The following GALK2 variants were observed in gnomAD, a reference collection of about 807,000 sequenced individuals.
GALK2 encodes galactokinase 2.
A neutral mutation model predicts 52.4 loss-of-function variants in GALK2; 36 were observed. The observed-to-expected ratio is 0.69, with a 90% confidence interval of 0.53 to 0.91. GALK2 has a LOEUF of 0.91. Among genes scored for constraint, GALK2 ranks in the 40% least tolerant of loss-of-function variants. The pLI, the probability that GALK2 is intolerant of heterozygous loss-of-function variation, is 0.00. For synonymous variants in GALK2, 176 were observed against 199.1 expected (o/e 0.88, Z 0.98); for missense variants, 579 against 559.1 (o/e 1.04, Z -0.36).
At chr15:49,156,201 A>G in intron 1 of GALK2, 1 of 620,144 alleles carries the variant, frequency 1.6e-6, no homozygotes. Flanking sequence ...GTTGCCTTAA[A>G]TCTTACTCAG....
intron 8 of GALK2, among the ~76,000 whole-genome samples, chr15:49,305,787 G>A (rs1221022519): frequency 6.6e-6 from 1 of 152,126 alleles, no homozygotes; most frequent in Non-Finnish European, 1.5e-5. Flanking sequence ...AGGGGGGAAG[G>A]TTGCTTATGG....
chr15:49,226,948 G>A (rs563559761), intron 3 of GALK2, among the ~76,000 whole-genome samples: 1 of 152,220 alleles, frequency 6.6e-6, no homozygotes, highest in East Asian at 1.9e-4. Flanking sequence ...GAAGGTATTT[G>A]ATACACACTG....
rs540620820 is a variant in GALK2 at position 49,305,901 on chromosome 15, A to G, written c.967+13364A>G. The stretch of plus-strand genomic sequence containing the variant: ...GAACTACATAAGCACATTTGTAATC[A>G]TGGAGTGCTGTGAAATAGCAGCATC... On this transcript the variant is annotated intron_variant, in intron 8 of 9. Transcript: ENST00000560031. Among the ~76,000 whole-genome samples, 3 of 152,330 alleles carry G rather than the reference A, an allele frequency of 2.0e-5. No homozygotes were observed. The East Asian group carries it at 5.8e-4, about 29-fold the overall frequency.
chr15:49,288,436 C>T (rs754269028), intron 7 of GALK2, among the ~76,000 whole-genome samples: 3 of 152,144 alleles, frequency 2.0e-5, no homozygotes, highest in African/African-American at 7.2e-5. Context: ...ATCAGTCACC[C>T]AGTTTTTCAG....
chr15:49,237,843 A>G (rs2090907690), intron 4 of GALK2, among the ~76,000 whole-genome samples: 1 of 151,850 alleles, frequency 6.6e-6, no homozygotes, highest in South Asian at 2.1e-4. Flanking sequence ...AATATATTGT[A>G]TTCTTCAATT....
intron 3 of GALK2, among the ~76,000 whole-genome samples, chr15:49,355,100 C>T (rs1454084801): frequency 3.3e-4 from 49 of 150,314 alleles, no homozygotes; most frequent in Non-Finnish European, 5.5e-4. Flanking sequence ...ACATCACCAT[C>T]ATCAAAGACC....
intron 5 of GALK2, among the ~76,000 whole-genome samples, chr15:49,242,356 T>A (rs1361713744): frequency 6.6e-6 from 1 of 152,174 alleles, no homozygotes; most frequent in Non-Finnish European, 1.5e-5. Context: ...TAGAGTAATG[T>A]TGCCAGAAAT....
intron 5 of GALK2, among the ~76,000 whole-genome samples, chr15:49,252,086 T>C (rs553122292): frequency 6.6e-6 from 1 of 152,208 alleles, no homozygotes; most frequent in South Asian, 2.1e-4. Context: ...GCCAACATGG[T>C]GAAACTCTGT....
chr15:49,311,791 G>A (rs2036009281), intron 8 of GALK2, among the ~76,000 whole-genome samples: 1 of 152,224 alleles, frequency 6.6e-6, no homozygotes, highest in Non-Finnish European at 1.5e-5. Flanking sequence ...AAGTCACTAA[G>A]GCAGATGTGT....
At chr15:49,283,510 G>A in intron 6 of GALK2, 56 bp from the exon 7 acceptor site, 1 of 1,435,912 alleles carries the variant, frequency 7.0e-7, no homozygotes, top group Non-Finnish European at 9.7e-7. Flanking sequence ...ATAAACACTT[G>A]AACATTTTCT....
At chr15:49,181,574 C>T (rs755110211) in intron 1 of GALK2, among the ~76,000 whole-genome samples, 4 of 147,284 alleles carry the variant, frequency 2.7e-5, no homozygotes, top group Non-Finnish European at 4.5e-5. Context: ...TGCCGTGGCA[C>T]GATCTCGGCT....
At chr15:49,209,272 A>G (rs973296300) in intron 2 of GALK2, among the ~76,000 whole-genome samples, 1 of 152,178 alleles carries the variant, frequency 6.6e-6, no homozygotes, top group Non-Finnish European at 1.5e-5. Flanking sequence ...CATGTTGTGT[A>G]CAAGTAGAGA....
At chr15:49,193,377 G>A (rs2086927532) in intron 1 of GALK2, among the ~76,000 whole-genome samples, 1 of 149,988 alleles carries the variant, frequency 6.7e-6, no homozygotes, top group African/African-American at 2.4e-5. Flanking sequence ...TTTTTTTAAT[G>A]TAAGGGATAT....
intron 8 of GALK2, among the ~76,000 whole-genome samples, chr15:49,309,838 C>T (rs1480171132): frequency 6.6e-6 from 1 of 152,008 alleles, no homozygotes; most frequent in Non-Finnish European, 1.5e-5. Flanking sequence ...AGGCTGGTCT[C>T]GAACTCCCGA....
At chr15:49,356,019 A>C (rs1596466503) in intron 3 of GALK2, among the ~76,000 whole-genome samples, 1 of 152,052 alleles carries the variant, frequency 6.6e-6, no homozygotes, top group South Asian at 2.1e-4. Context: ...GAAATAAAAT[A>C]CTTTACAGAC....
intron 3 of GALK2, chr15:49,367,363 G>C: frequency 8.5e-7 from 1 of 1,175,834 alleles, no homozygotes; most frequent in South Asian, 1.9e-5. Context: ...CATTCAATTT[G>C]TTTCTCAATT....
intron 8 of GALK2, among the ~76,000 whole-genome samples, chr15:49,299,750 T>TCTTTCTTTC (rs2034873951): frequency 3.0e-5 from 4 of 135,516 alleles, no homozygotes; most frequent in African/African-American, 1.2e-4. Context: ...TTTCTTTCTT[T>TCTTTCTTTC]CTTTCTTTCT....
downstream of GALK2, among the ~76,000 whole-genome samples, chr15:49,333,371 T>C (rs10438273): frequency 0.95 from 145,004 of 152,270 alleles, 69,108 homozygotes; most frequent in African/African-American, 0.99. Flanking sequence ...TATCCAAATA[T>C]GTATGTTTCA....
At chr15:49,230,074 C>T (rs1357034424) in intron 3 of GALK2, among the ~76,000 whole-genome samples, 1 of 152,086 alleles carries the variant, frequency 6.6e-6, no homozygotes, top group Non-Finnish European at 1.5e-5. Flanking sequence ...AGTTAGCACT[C>T]GTGGTGTCTG....
Sources: allele counts gnomAD v4.1 joint callset (sites outside exome capture counted in the v4.1 genomes callset), GRCh38; gene constraint gnomAD v4.1.1; transcripts MANE v1.5; gene names NCBI Gene and HGNC (gene_info 2026-07-23, HGNC 2026-07-21).